AKAP12: variants seen among roughly 807,000 people sequenced by gnomAD.
AKAP12 encodes A-kinase anchoring protein 12.
In AKAP12, 32 loss-of-function variants were observed where a neutral mutation model predicts 79.9. The observed-to-expected ratio is 0.40, with a 90% confidence interval of 0.30 to 0.54. The LOEUF (loss-of-function observed/expected upper bound fraction) is 0.54, where lower values mean the gene tolerates loss of function less well. Ranked by LOEUF, AKAP12 falls within the 20% of genes least tolerant of loss-of-function variation. AKAP12 has a pLI of 0.48. For synonymous variants in AKAP12, 808 were observed against 857.0 expected (o/e 0.94, Z 1.00); for missense variants, 2,074 against 2,177.0 (o/e 0.95, Z 0.94).
At chr6:151,328,327 CAAA>C (rs10686442) in intron 3 of AKAP12, among the ~76,000 whole-genome samples, 1 of 105,168 alleles carries the variant, frequency 9.5e-6, no homozygotes, top group Admixed American at 1.1e-4. Flanking sequence ...GACTCCATCT[CAAA>C]AAAAAAAAAA....
chr6:151,356,183 T>C lies in AKAP12; in HGVS notation c.*469T>C, dbSNP rs1045904670. On this transcript the variant is annotated 3_prime_UTR_variant, in exon 5 of 5. Transcript: ENST00000402676. ...GTATATGATGGGGCATGTGCCATAG[T>C]GCAGGCTTGGGGAGCTTTAAGCCTC... is the stretch of plus-strand genomic sequence containing the variant. 4 of 152,672 alleles carry C rather than the reference T, an allele frequency of 2.6e-5. No individual in the cohort carries two copies. Among genetic ancestry groups the C allele is most frequent in the Non-Finnish European group, 5.9e-5 (4 of 68,048 alleles). 9.5% of individuals were successfully genotyped at this position (152,672 alleles called of 1,614,324 possible).
chr6:151,327,544 C>T (rs1777561524), intron 3 of AKAP12, among the ~76,000 whole-genome samples: 2 of 151,964 alleles, frequency 1.3e-5, no homozygotes, highest in Non-Finnish European at 2.9e-5. Context: ...TTTTTGGGTA[C>T]AATATGATTT....
chr6:151,280,511 A>T (rs1205008172), intron 2 of AKAP12: 1 of 152,104 alleles, frequency 6.6e-6, no homozygotes, highest in Non-Finnish European at 1.5e-5. Flanking sequence ...CACACACTGT[A>T]TATAAAAATA....
At chr6:151,274,027 T>A (rs1256911301) in intron 2 of AKAP12, among the ~76,000 whole-genome samples, 1 of 146,930 alleles carries the variant, frequency 6.8e-6, no homozygotes, top group African/African-American at 2.5e-5. Context: ...AGACTCTGTC[T>A]CAAAAACAAA....
At chr6:151,274,933 A>C (rs562260928) in intron 2 of AKAP12, among the ~76,000 whole-genome samples, 47 of 152,162 alleles carry the variant, frequency 3.1e-4, no homozygotes, top group African/African-American at 1.1e-3. Flanking sequence ...GTGAAACCCC[A>C]CCTCTACAAA....
At chr6:151,279,115 T>G (rs1181557070) in intron 2 of AKAP12, among the ~76,000 whole-genome samples, 1 of 152,190 alleles carries the variant, frequency 6.6e-6, no homozygotes, top group African/African-American at 2.4e-5. Context: ...ACACCTGGAG[T>G]GTCATTACTG....
chr6:151,240,641 C>A lies in AKAP12; in HGVS notation c.79C>A (p.Pro27Thr), dbSNP rs1405350139. The A allele has an allele frequency of 5.2e-6, 7 of 1,347,182 alleles. No individual in the cohort carries two copies. The African/African-American group carries it at 9.2e-5, about 18-fold the overall frequency. The allele number at this position is 1,347,182 out of a possible 1,614,324, so 83.5% of individuals were successfully genotyped here. Residue 27 changes from proline (P) to threonine (T), a missense_variant, in exon 2 of 5, where the codon CCC (proline) becomes ACC (threonine). Pro to Thr is a conservative substitution (Grantham distance 38, BLOSUM62 -1). Transcript: ENST00000402676. ...EGSSTPAEPE[P>T]SGGGPSAEAA... ...GAGCTCCACGCCGGCTGAGCCCGAG[C>A]CCAGCGGCGGCGGCCCCTCGGCCGA...
rs538389434 is a variant in AKAP12 at position 151,263,492 on chromosome 6, T to C, written c.162+22768T>C. Among the ~76,000 whole-genome samples the C allele has an allele frequency of 4.1e-4, 62 of 152,364 alleles. No individual in the cohort carries two copies. The South Asian group carries it at 4.8e-3, about 12-fold the overall frequency. Reference sequence around the variant, plus strand: ...CCATGCAAAACTGGTTGTTGAAACATCCATTCAACAGATAATAATAAATTC... The same window carrying C: ...CCATGCAAAACTGGTTGTTGAAACACCCATTCAACAGATAATAATAAATTC... On this transcript the variant is annotated intron_variant, in intron 2 of 4. Coordinates refer to ENST00000402676, the MANE Select transcript of AKAP12 (RefSeq NM_005100.4).
At chr6:151,306,374 C>G (rs1308579864) in intron 3 of AKAP12, among the ~76,000 whole-genome samples, 1 of 152,040 alleles carries the variant, frequency 6.6e-6, no homozygotes, top group Non-Finnish European at 1.5e-5. Flanking sequence ...GAAGAGTGAC[C>G]GTTTGGACAC....
At chr6:151,322,776 G>A (rs1006911822) in intron 3 of AKAP12, among the ~76,000 whole-genome samples, 4 of 141,460 alleles carry the variant, frequency 2.8e-5, no homozygotes, top group African/African-American at 1.3e-4. Flanking sequence ...CACCATCCAT[G>A]ACTGAGCTCC....
chr6:151,349,578 C>G lies in AKAP12; in HGVS notation c.1187C>G (p.Pro396Arg). The G allele has an allele frequency of 6.2e-7, 1 of 1,610,862 alleles. No homozygotes were observed. Residue 396 changes from proline (P) to arginine (R), a missense_variant, in exon 4 of 5, where the codon CCT (proline) becomes CGT (arginine). Coordinates refer to ENST00000402676, the MANE Select transcript of AKAP12 (RefSeq NM_005100.4). The part of the protein sequence containing the change: ...SGSQGPSEEK[P>R]APLATEVFDE... ...TCGCAGGGACCTTCTGAAGAGAAAC[C>G]TGCTCCGTTGGCGACAGAAGTGTTT...
intron 2 of AKAP12, among the ~76,000 whole-genome samples, chr6:151,247,168 C>G (rs117362440): frequency 0.033 from 5,050 of 151,868 alleles, 114 homozygotes; most frequent in Non-Finnish European, 0.045. Context: ...TTTGAGAGGC[C>G]AAGAAGGGAG....
At chr6:151,244,184 G>A (rs1049630894) in intron 2 of AKAP12, among the ~76,000 whole-genome samples, 1 of 152,144 alleles carries the variant, frequency 6.6e-6, no homozygotes, top group African/African-American at 2.4e-5. Flanking sequence ...AGAAGAGTCC[G>A]TTGTCTGACT....
chr6:151,276,654 G>A (rs531877753), intron 2 of AKAP12, among the ~76,000 whole-genome samples: 4 of 152,364 alleles, frequency 2.6e-5, no homozygotes, highest in East Asian at 1.9e-4. Context: ...AGAAGCCAGC[G>A]CAGCTGGGAG....
Position 151,240,681 on chromosome 6 carries a change from C to G in AKAP12, c.119C>G (p.Thr40Ser). The change falls in exon 2 of 5, where the codon ACC becomes AGC. Residue 40 changes from threonine (T) to serine (S), a missense_variant. Thr to Ser is a moderately conservative substitution (Grantham distance 58). Around this residue, in one of 3 missense-constraint regions of AKAP12, gnomAD observed 1,428 missense variants for 1,451.0 expected, o/e 0.98. Transcript: ENST00000402676. ...CCCTCGGCCGAGGCGGCGCCAGACACCACCGCGGACCCCGCCATCGCTGCC... is the reference window on the plus strand; with the variant it reads ...CCCTCGGCCGAGGCGGCGCCAGACAGCACCGCGGACCCCGCCATCGCTGCC... Reference protein sequence around the residue: ...GGPSAEAAPDTTADPAIAASD... With the variant: ...GGPSAEAAPDSTADPAIAASD... The G allele has an allele frequency of 7.8e-7, 1 of 1,290,106 alleles. No individual in the cohort carries two copies. The highest frequency in any genetic ancestry group is 9.8e-7 in the Non-Finnish European group (1 of 1,021,478). 79.9% of individuals were successfully genotyped at this position (1,290,106 alleles called of 1,614,324 possible).
chr6:151,330,084 A>G (rs1381311139), intron 3 of AKAP12, among the ~76,000 whole-genome samples: 2 of 152,206 alleles, frequency 1.3e-5, no homozygotes, highest in African/African-American at 4.8e-5. Context: ...GCACTTTGGG[A>G]GGCCAAGGCA....
intron 3 of AKAP12, chr6:151,323,834 G>A: frequency 1.0e-6 from 1 of 985,388 alleles, no homozygotes; most frequent in Non-Finnish European, 1.2e-6. Context: ...TTCAGAAGTG[G>A]CACCAGATGA....
intron 2 of AKAP12, among the ~76,000 whole-genome samples, chr6:151,303,069 T>C (rs1314047281): frequency 6.6e-6 from 1 of 152,156 alleles, no homozygotes; most frequent in Non-Finnish European, 1.5e-5. Flanking sequence ...GGCAGGCACC[T>C]GTAATCCCAG....
At chr6:151,241,060 C>G (rs1294019491) in intron 2 of AKAP12, among the ~76,000 whole-genome samples, 1 of 152,230 alleles carries the variant, frequency 6.6e-6, no homozygotes, top group Non-Finnish European at 1.5e-5. Flanking sequence ...CAGCCCGAGG[C>G]GGAGGAGCTG....
Sources: allele counts gnomAD v4.1 joint callset (sites outside exome capture counted in the v4.1 genomes callset), GRCh38; gene constraint gnomAD v4.1.1; regional missense constraint gnomAD v4.1.1; transcripts MANE v1.5; gene names NCBI Gene and HGNC (gene_info 2026-07-23, HGNC 2026-07-21).